Variants in FAM53A observed in about 807,000 individuals in gnomAD.
FAM53A encodes the protein family with sequence similarity 53 member A.
In FAM53A, 28 loss-of-function variants were observed where a neutral mutation model predicts 26.6. The ratio of observed to expected loss-of-function variants is 1.05; its 90% CI spans 0.78 to 1.45. FAM53A has a LOEUF of 1.45. Among genes scored for constraint, FAM53A ranks in the 40% most tolerant of loss-of-function variants. FAM53A has a pLI of 0.00. For missense variants in FAM53A, 650 were observed against 575.8 expected, an observed-to-expected ratio of 1.13 and a Z score of -1.32; for synonymous variants, 290 against 253.1, an observed-to-expected ratio of 1.15 and a Z score of -1.38.
chr4:1,579,837 G>A, the FAM53A span, among the ~76,000 whole-genome samples: 42,628 of 152,126 alleles, frequency 0.28, 6,546 homozygotes, highest in Admixed American at 0.37. Flanking sequence ...CGCAGGGGCC[G>A]AGCATCCGCC....
the FAM53A span, among the ~76,000 whole-genome samples, chr4:1,594,698 C>T: frequency 2.0e-4 from 31 of 152,160 alleles, no homozygotes; most frequent in African/African-American, 6.3e-4. Flanking sequence ...AAAAGTTAGC[C>T]GGGTGTGGTG....
At chr4:1,596,280 T>C in the FAM53A span, among the ~76,000 whole-genome samples, 2 of 152,212 alleles carry the variant, frequency 1.3e-5, no homozygotes, top group East Asian at 3.8e-4. Flanking sequence ...CTCTACATAA[T>C]TCCATGCTGT....
rs553143319 is a variant in FAM53A, at chr4:1,656,614, G to A, written c.136+794C>T. ...GGATGGAGGTGGCTGGTCTGACCCC[G>A]TGTGCAGGATGAACCCCAGGAGGCT... On this transcript the variant is annotated intron_variant, in intron 3 of 4. Coordinates refer to ENST00000308132, the MANE Select transcript of FAM53A (RefSeq NM_001174070.3). Among the ~76,000 whole-genome samples, 12 of 152,248 alleles carry A rather than the reference G, an allele frequency of 7.9e-5. No homozygotes were observed. The South Asian group carries it at 8.3e-4, about 11-fold the overall frequency.
the FAM53A span, among the ~76,000 whole-genome samples, chr4:1,586,619 T>A: frequency 1.1e-3 from 167 of 151,256 alleles, no homozygotes; most frequent in South Asian, 0.014. Context: ...ACTAAAAAAA[T>A]ATATATATAA....
At chr4:1,581,547 T>G in the FAM53A span, among the ~76,000 whole-genome samples, 1 of 152,220 alleles carries the variant, frequency 6.6e-6, no homozygotes, top group Non-Finnish European at 1.5e-5. Flanking sequence ...AAAACCCAAT[T>G]AGACTTTTAA....
At chr4:1,679,173 A>G (rs1290256013) in intron 1 of FAM53A, among the ~76,000 whole-genome samples, 67 of 152,126 alleles carry the variant, frequency 4.4e-4, no homozygotes, top group Non-Finnish European at 1.6e-4. Context: ...AAATTCAACA[A>G]TAAGAAAACA....
At chr4:1,610,890 G>C in the FAM53A span, among the ~76,000 whole-genome samples, 3 of 152,118 alleles carry the variant, frequency 2.0e-5, no homozygotes, top group Non-Finnish European at 4.4e-5. Flanking sequence ...TTCTGCCCCC[G>C]ACTCACCCCT....
chr4:1,671,996 G>C (rs1714692494), intron 1 of FAM53A, among the ~76,000 whole-genome samples: 2 of 121,854 alleles, frequency 1.6e-5, no homozygotes, highest in Admixed American at 8.1e-5. Flanking sequence ...CTGTGACACA[G>C]AGCAAAGCGA....
At chr4:1,578,942 G>A in the FAM53A span, among the ~76,000 whole-genome samples, 1 of 147,242 alleles carries the variant, frequency 6.8e-6, no homozygotes, top group African/African-American at 2.5e-5. Context: ...GGGGAGGAGA[G>A]GGGTCGCCTC....
the FAM53A span, among the ~76,000 whole-genome samples, chr4:1,606,985 C>T: frequency 6.6e-6 from 1 of 152,216 alleles, no homozygotes; most frequent in African/African-American, 2.4e-5. Context: ...TCGGCGTCTC[C>T]ACAGCTTCCA....
intron 1 of FAM53A, among the ~76,000 whole-genome samples, chr4:1,676,396 T>A (rs185532886): frequency 2.6e-4 from 39 of 152,276 alleles, no homozygotes; most frequent in African/African-American, 8.9e-4. Flanking sequence ...CTTAACTCAT[T>A]ACATCTGCAA....
chr4:1,579,336 G>A, the FAM53A span, among the ~76,000 whole-genome samples: 3 of 151,586 alleles, frequency 2.0e-5, no homozygotes, highest in Non-Finnish European at 4.4e-5. Flanking sequence ...CCTCGTGGGA[G>A]GCCCCTCCCT....
At chr4:1,679,386 CA>C (rs34354638) in intron 1 of FAM53A, among the ~76,000 whole-genome samples, 1,385 of 61,188 alleles carry the variant, frequency 0.023, 14 homozygotes, top group African/African-American at 0.063. Context: ...ACCATGTCTC[CA>C]AAAAAAAAAA....
chr4:1,663,499 T>G (rs1485981056), intron 2 of FAM53A, among the ~76,000 whole-genome samples: 2 of 152,218 alleles, frequency 1.3e-5, no homozygotes, highest in African/African-American at 4.8e-5. Context: ...GAGCAAATGG[T>G]GGTCTCTCAA....
the FAM53A span, among the ~76,000 whole-genome samples, chr4:1,607,663 G>A: frequency 6.6e-6 from 1 of 152,120 alleles, no homozygotes; most frequent in Non-Finnish European, 1.5e-5. Context: ...CGCCCAGTCC[G>A]GGTGCAGTGG....
At chr4:1,577,747 T>C in the FAM53A span, among the ~76,000 whole-genome samples, 1 of 152,230 alleles carries the variant, frequency 6.6e-6, no homozygotes, top group Admixed American at 6.5e-5. Flanking sequence ...TCTGTACTTT[T>C]TATGCCGCTC....
the FAM53A span, among the ~76,000 whole-genome samples, chr4:1,579,654 CGTGA>C: frequency 3.2e-3 from 480 of 152,344 alleles, 1 homozygote; most frequent in African/African-American, 0.011. Context: ...CGCTGCGAGG[CGTGA>C]GTGAGTTACG....
At chr4:1,579,767 G>C in the FAM53A span, among the ~76,000 whole-genome samples, 1 of 152,138 alleles carries the variant, frequency 6.6e-6, no homozygotes, top group Non-Finnish European at 1.5e-5. Context: ...GGCCAGGAGT[G>C]TCCGCGCTGT....
At chr4:1,587,906 T>G in the FAM53A span, among the ~76,000 whole-genome samples, 17 of 152,346 alleles carry the variant, frequency 1.1e-4, no homozygotes, top group East Asian at 3.1e-3. Context: ...TATTTAATAT[T>G]TTAATAAATG....
Sources: allele counts gnomAD v4.1 joint callset (sites outside exome capture counted in the v4.1 genomes callset), GRCh38; gene constraint gnomAD v4.1.1; transcripts MANE v1.5; gene names NCBI Gene and HGNC (gene_info 2026-07-23, HGNC 2026-07-21).